TFCP2: variants seen among roughly 807,000 people sequenced by gnomAD.
The protein encoded by TFCP2 is alpha-globin transcription factor CP2.
A neutral mutation model predicts 73.4 loss-of-function variants in TFCP2; 33 were observed. The ratio of observed to expected loss-of-function variants is 0.45; its 90% CI spans 0.34 to 0.60. The LOEUF (loss-of-function observed/expected upper bound fraction) is 0.60. Ranked by LOEUF, TFCP2 falls within the 20% of genes least tolerant of loss-of-function variation. TFCP2 has a pLI of 0.01. For synonymous variants in TFCP2, 193 were observed against 211.6 expected (o/e 0.91, Z 0.76); for missense variants, 352 against 604.0 (o/e 0.58, Z 4.37).
At chr12:51,144,357 C>T (rs1394776342) in intron 1 of TFCP2, among the ~76,000 whole-genome samples, 2 of 151,982 alleles carry the variant, frequency 1.3e-5, no homozygotes, top group African/African-American at 2.4e-5. Flanking sequence ...TATCAATAAG[C>T]GAACCAAGAA....
intron 1 of TFCP2, among the ~76,000 whole-genome samples, chr12:51,155,566 T>C (rs1411588879): frequency 2.6e-5 from 4 of 152,242 alleles, no homozygotes; most frequent in Admixed American, 2.0e-4. Flanking sequence ...CTGTTCTTGA[T>C]AGCAGCCATC....
rs189967445 is a variant in TFCP2 at position 51,131,172 on chromosome 12, A to G, written c.123-12400T>C. ...GTGAAACCCCATCTCTACTAAAAAA[A>G]AAAAAACAAAAAATTAGCTGGGTGT... On this transcript the variant is annotated intron_variant, in intron 1 of 14. Coordinates refer to ENST00000257915, the MANE Select transcript of TFCP2 (RefSeq NM_005653.5). Among the ~76,000 whole-genome samples the G allele has an allele frequency of 5.9e-3, 889 of 151,482 alleles. 7 individuals are homozygous for G. Among genetic ancestry groups the G allele is most frequent in the African/African-American group, 0.019 (778 of 41,306 alleles).
intron 1 of TFCP2, among the ~76,000 whole-genome samples, chr12:51,149,412 C>A (rs931546269): frequency 1.3e-5 from 2 of 151,014 alleles, no homozygotes; most frequent in Non-Finnish European, 3.0e-5. Context: ...TCCCCAAAAA[C>A]CTTAAAAAAA....
At chr12:51,126,248 A>G (rs1592809807) in intron 1 of TFCP2, among the ~76,000 whole-genome samples, 1 of 150,740 alleles carries the variant, frequency 6.6e-6, no homozygotes, top group African/African-American at 2.4e-5. Flanking sequence ...AAAAAAAAAA[A>G]AAAGAAAAGA....
chr12:51,167,798 CAT>C (rs1429829623), intron 1 of TFCP2, among the ~76,000 whole-genome samples: 1 of 152,094 alleles, frequency 6.6e-6, no homozygotes, highest in Non-Finnish European at 1.5e-5. Context: ...CCGCGGCTGA[CAT>C]GTGTAATTAC....
At chr12:51,105,260 A>AT (rs761826553) in intron 8 of TFCP2, among the ~76,000 whole-genome samples, 5 of 151,510 alleles carry the variant, frequency 3.3e-5, no homozygotes, top group Non-Finnish European at 7.4e-5. Flanking sequence ...CACCTGGCTA[A>AT]TTTTTTTATT....
chr12:51,107,261 G>C lies in TFCP2; in HGVS notation c.803C>G (p.Ser268Cys). The part of the protein sequence containing the change: ...TPHEKEKYQP[S>C]YETTILTECS... The stretch of plus-strand genomic sequence containing the variant: ...CTCTGTGAGTATGGTTGTCTCATAG[G>C]AAGGCTGATATTTCTCCTTTTCATG... The change falls in exon 7 of 15, where the codon TCC (serine) becomes TGC (cysteine). Residue 268 changes from serine (S) to cysteine (C), a missense_variant. Coordinates refer to ENST00000257915, the MANE Select transcript of TFCP2 (RefSeq NM_005653.5). 6.2e-7 allele frequency: 1 copy of C among 1,609,052 alleles called. No homozygotes were observed. The highest frequency in any genetic ancestry group is 8.5e-7 in the Non-Finnish European group (1 of 1,178,922).
chr12:51,154,897 C>T (rs1941505759), intron 1 of TFCP2, among the ~76,000 whole-genome samples: 1 of 151,960 alleles, frequency 6.6e-6, no homozygotes. Flanking sequence ...TCAACTTGAC[C>T]GGATTAAAGG....
intron 1 of TFCP2, chr12:51,124,938 G>A: frequency 1.3e-6 from 1 of 786,184 alleles, no homozygotes. Flanking sequence ...CCCAAATGTG[G>A]CTGCTTGCTC....
At chr12:51,127,637 T>G (rs1017420931) in intron 1 of TFCP2, among the ~76,000 whole-genome samples, 10 of 152,194 alleles carry the variant, frequency 6.6e-5, no homozygotes, top group African/African-American at 2.4e-4. Flanking sequence ...TCAATTCCTG[T>G]TTTTCCTCTA....
At chr12:51,165,160 G>C (rs140795871) in intron 1 of TFCP2, among the ~76,000 whole-genome samples, 2 of 152,172 alleles carry the variant, frequency 1.3e-5, no homozygotes, top group African/African-American at 4.8e-5. Context: ...TTCAAGACCA[G>C]CCTGGGCAAC....
chr12:51,095,441 G>A (rs911476494), intron 14 of TFCP2, among the ~76,000 whole-genome samples, 163 bp from the exon 15 acceptor site: 5 of 151,162 alleles, frequency 3.3e-5, no homozygotes, highest in African/African-American at 9.7e-5. Context: ...CAACAAGAGC[G>A]AAATTCTGTC....
intron 1 of TFCP2, among the ~76,000 whole-genome samples, chr12:51,158,891 C>T (rs555210712): frequency 2.7e-5 from 4 of 147,906 alleles, no homozygotes; most frequent in East Asian, 2.2e-4. Context: ...CGGCCAGGTG[C>T]GGTGGCTCAA....
chr12:51,107,083 G>T, intron 7 of TFCP2, 153 bp downstream of exon 7: 1 of 679,898 alleles, frequency 1.5e-6, no homozygotes, highest in Non-Finnish European at 2.6e-6. Flanking sequence ...AAATTCTAAA[G>T]CAATCTTCCT....
intron 1 of TFCP2, among the ~76,000 whole-genome samples, chr12:51,165,381 A>G (rs945612801): frequency 8.5e-5 from 13 of 152,162 alleles, no homozygotes; most frequent in African/African-American, 3.1e-4. Context: ...AATGTGATAC[A>G]CCACATTATC....
At chr12:51,118,499 G>A in intron 2 of TFCP2, 122 bp downstream of exon 2, 1 of 1,215,970 alleles carries the variant, frequency 8.2e-7, no homozygotes, top group Non-Finnish European at 1.1e-6. Flanking sequence ...AGCTTGCAGT[G>A]AGCCAAGATG....
chr12:51,131,337 A>AAAC (rs1805173844), intron 1 of TFCP2, among the ~76,000 whole-genome samples: 1 of 151,662 alleles, frequency 6.6e-6, no homozygotes, highest in Admixed American at 6.6e-5. Context: ...TGTCTCAAAA[A>AAAC]AAAAAAAAAA....
intron 3 of TFCP2, 25 bp from the exon 4 acceptor site, chr12:51,116,445 T>C (rs865962425): frequency 1.4e-6 from 2 of 1,380,102 alleles, no homozygotes; most frequent in Middle Eastern, 1.8e-4. Flanking sequence ...CAAAATCAGA[T>C]GATAACAAGA....
intron 1 of TFCP2, among the ~76,000 whole-genome samples, chr12:51,149,428 A>G (rs1941373623): frequency 1.3e-5 from 2 of 152,132 alleles, no homozygotes; most frequent in South Asian, 4.1e-4. Context: ...AAAAAAAAGT[A>G]GAAGGAAGGA....
Sources: allele counts gnomAD v4.1 joint callset (sites outside exome capture counted in the v4.1 genomes callset), GRCh38; gene constraint gnomAD v4.1.1; transcripts MANE v1.5; gene names NCBI Gene and HGNC (gene_info 2026-07-23, HGNC 2026-07-21).